The following TSPAN15 variants were observed in gnomAD, a reference collection of about 807,000 sequenced individuals.
TSPAN15 encodes tetraspanin-15.
In TSPAN15, 20 loss-of-function variants were observed where a neutral mutation model predicts 34.5. The observed-to-expected ratio is 0.58, with a 90% CI of 0.41 to 0.84. The LOEUF (loss-of-function observed/expected upper bound fraction) is 0.84, where lower values mean the gene tolerates loss of function less well. Among genes scored for constraint, TSPAN15 ranks in the 40% least tolerant of loss-of-function variants. TSPAN15 has a pLI of 0.00. For synonymous variants in TSPAN15, 155 were observed against 153.9 expected, an observed-to-expected ratio of 1.01 and a Z score of -0.05; for missense variants, 313 against 386.1, an observed-to-expected ratio of 0.81 and a Z score of 1.59.
At chr10:69,524,936 AC>A in the TSPAN15 span, among the ~76,000 whole-genome samples, 1 of 147,242 alleles carries the variant, frequency 6.8e-6, no homozygotes, top group African/African-American at 2.5e-5. Flanking sequence ...TCCTGCCACC[AC>A]GCCCCACTAA....
At chr10:69,537,152 T>A in the TSPAN15 span, among the ~76,000 whole-genome samples, 1 of 152,084 alleles carries the variant, frequency 6.6e-6, no homozygotes, top group East Asian at 1.9e-4. Flanking sequence ...GGGAATTCAA[T>A]CCATAACAGT....
chr10:69,473,793 A>G (rs995666995), intron 1 of TSPAN15, among the ~76,000 whole-genome samples: 1 of 151,990 alleles, frequency 6.6e-6, no homozygotes, highest in African/African-American at 2.4e-5. Flanking sequence ...GGGGCCATTT[A>G]TCTTCATTAA....
chr10:69,481,434 T>G (rs909910597), intron 1 of TSPAN15, among the ~76,000 whole-genome samples: 1 of 152,242 alleles, frequency 6.6e-6, no homozygotes, highest in African/African-American at 2.4e-5. Flanking sequence ...TCTGTTATCC[T>G]GTGTTTCTGC....
At chr10:69,514,600 A>G in the TSPAN15 span, among the ~76,000 whole-genome samples, 1 of 152,218 alleles carries the variant, frequency 6.6e-6, no homozygotes, top group Admixed American at 6.5e-5. Flanking sequence ...TGATAATTTC[A>G]TCTAAGCTGT....
At chr10:69,540,041 C>G in the TSPAN15 span, among the ~76,000 whole-genome samples, 1 of 151,960 alleles carries the variant, frequency 6.6e-6, no homozygotes, top group Non-Finnish European at 1.5e-5. Flanking sequence ...CAGGCATGCA[C>G]CATGATGCCC....
chr10:69,540,895 G>T, the TSPAN15 span, among the ~76,000 whole-genome samples: 1 of 152,172 alleles, frequency 6.6e-6, no homozygotes, highest in Admixed American at 6.5e-5. Flanking sequence ...GGAGAGCTGC[G>T]GGGCTAGGAG....
chr10:69,520,586 G>A, the TSPAN15 span, among the ~76,000 whole-genome samples: 1 of 152,334 alleles, frequency 6.6e-6, no homozygotes, highest in African/African-American at 2.4e-5. Flanking sequence ...AACCTGGGAG[G>A]TGGAGGTTGT....
the TSPAN15 span, among the ~76,000 whole-genome samples, chr10:69,526,523 A>G: frequency 6.7e-6 from 1 of 148,328 alleles, no homozygotes; most frequent in Non-Finnish European, 1.5e-5. Flanking sequence ...GCTGGGCACT[A>G]TGGCTCATGC....
chr10:69,491,684 A>G (rs1841973046), intron 3 of TSPAN15, among the ~76,000 whole-genome samples: 1 of 152,200 alleles, frequency 6.6e-6, no homozygotes, highest in Admixed American at 6.5e-5. Flanking sequence ...TTTGAGAGCT[A>G]GGCCTGCACT....
chr10:69,458,340 G>A (rs1841161729), intron 1 of TSPAN15, among the ~76,000 whole-genome samples: 2 of 152,186 alleles, frequency 1.3e-5, no homozygotes, highest in African/African-American at 4.8e-5. Context: ...AAGCCATTTG[G>A]GAAAGTACAA....
At chr10:69,461,928 C>G (rs35608114) in intron 1 of TSPAN15, among the ~76,000 whole-genome samples, 5 of 144,324 alleles carry the variant, frequency 3.5e-5, no homozygotes, top group South Asian at 2.3e-4. Context: ...CGCCACCACC[C>G]CCCCCATCAC....
intron 1 of TSPAN15, among the ~76,000 whole-genome samples, chr10:69,459,976 A>G (rs1298816310): frequency 1.3e-5 from 2 of 149,512 alleles, no homozygotes; most frequent in Non-Finnish European, 1.5e-5. Context: ...GGAGGGAGGG[A>G]GAGTCACCTG....
chr10:69,488,203 C>G (rs955057907), intron 3 of TSPAN15, among the ~76,000 whole-genome samples: 1 of 151,794 alleles, frequency 6.6e-6, no homozygotes, highest in Non-Finnish European at 1.5e-5. Context: ...GAAAATATCA[C>G]AAAAAGAAAA....
chr10:69,471,205 C>A (rs184976914), intron 1 of TSPAN15, among the ~76,000 whole-genome samples: 39 of 152,312 alleles, frequency 2.6e-4, no homozygotes, highest in African/African-American at 8.2e-4. Context: ...CGTTGCACAC[C>A]CAGTTCTTAA....
At chr10:69,541,946 T>G in the TSPAN15 span, among the ~76,000 whole-genome samples, 1 of 152,236 alleles carries the variant, frequency 6.6e-6, no homozygotes, top group Non-Finnish European at 1.5e-5. Context: ...CCCATTGTCT[T>G]GGTGATTAAC....
chr10:69,519,501 A>C, the TSPAN15 span, among the ~76,000 whole-genome samples: 1 of 152,356 alleles, frequency 6.6e-6, no homozygotes, highest in Admixed American at 6.5e-5. Flanking sequence ...TATCAAATTC[A>C]TGAGACTCTG....
the TSPAN15 span, among the ~76,000 whole-genome samples, chr10:69,530,818 CTCTATATATATATATATATATATATA>C: frequency 9.4e-5 from 4 of 42,562 alleles, no homozygotes; most frequent in African/African-American, 2.8e-4. Flanking sequence ...CTCTCTCTCT[CTCTATATATATATATATATATATATA>C]TATATATATA....
chr10:69,535,574 C>T, the TSPAN15 span, among the ~76,000 whole-genome samples: 2 of 152,156 alleles, frequency 1.3e-5, no homozygotes, highest in Admixed American at 1.3e-4. Context: ...AAATAATAAA[C>T]ACCTTATAAA....
intron 3 of TSPAN15, among the ~76,000 whole-genome samples, chr10:69,493,526 G>A (rs987043414): frequency 2.1e-5 from 3 of 144,082 alleles, no homozygotes; most frequent in African/African-American, 7.7e-5. Context: ...AGTCTAGAGT[G>A]CAGTGGTGCC....
Sources: allele counts gnomAD v4.1 joint callset (sites outside exome capture counted in the v4.1 genomes callset), GRCh38; gene constraint gnomAD v4.1.1; transcripts MANE v1.5; gene names NCBI Gene and HGNC (gene_info 2026-07-23, HGNC 2026-07-21).